UGP2: variants seen among roughly 807,000 people sequenced by gnomAD.
UGP2 encodes the protein UDP-glucose pyrophosphorylase 2.
A neutral mutation model predicts 49.0 loss-of-function variants in UGP2; 40 were observed. The observed-to-expected ratio is 0.82, with a 90% CI of 0.63 to 1.06. The LOEUF is 1.06. Ranked by LOEUF, UGP2 falls within the 50% of genes least tolerant of loss-of-function variation. UGP2 has a pLI of 0.00. For missense variants in UGP2, 460 were observed against 603.5 expected, an observed-to-expected ratio of 0.76 and a Z score of 2.49; for synonymous variants, 225 against 213.0, an observed-to-expected ratio of 1.06 and a Z score of -0.49.
chr2:63,885,893 A>G lies in UGP2; in HGVS notation c.873+7A>G. Reference sequence around the variant, plus strand: ...AACACGTGCAGATGTAAAGGTAAATACCGAGAGGAAGCAGTTTAGGGCTTC... The same window carrying G: ...AACACGTGCAGATGTAAAGGTAAATGCCGAGAGGAAGCAGTTTAGGGCTTC... On this transcript the variant is annotated splice_region_variant and intron_variant, in intron 6 of 9. Transcript: ENST00000337130. The G allele has an allele frequency of 1.3e-6, 2 of 1,552,996 alleles. No homozygotes were observed. The highest frequency in any genetic ancestry group is 3.5e-4 in the Middle Eastern group (2 of 5,748).
chr2:63,851,317 CAA>C (rs1481585615), intron 1 of UGP2, among the ~76,000 whole-genome samples: 5 of 152,110 alleles, frequency 3.3e-5, no homozygotes, highest in African/African-American at 4.8e-5. Context: ...TTTTCCCCCT[CAA>C]GAGAATATGT....
intron 2 of UGP2, chr2:63,857,463 A>G (rs1669521036): frequency 2.7e-6 from 1 of 371,368 alleles, no homozygotes; most frequent in Non-Finnish European, 5.4e-6. Flanking sequence ...TCCTGGGCTC[A>G]AGTGATCCTC....
At chr2:63,872,902 T>C (rs1293040967) in intron 3 of UGP2, among the ~76,000 whole-genome samples, 1 of 152,252 alleles carries the variant, frequency 6.6e-6, no homozygotes, top group East Asian at 1.9e-4. Context: ...TGTATGCCAG[T>C]AGAGTGTCTG....
At chr2:63,886,259 T>C (rs772918640) in intron 6 of UGP2, 82 bp from the exon 7 acceptor site, 2 of 1,299,638 alleles carry the variant, frequency 1.5e-6, no homozygotes, top group Non-Finnish European at 2.2e-6. Context: ...TATATATTTT[T>C]TGTATAATCA....
intron 3 of UGP2, among the ~76,000 whole-genome samples, chr2:63,865,413 A>T (rs1409908791): frequency 6.6e-6 from 1 of 152,168 alleles, no homozygotes; most frequent in Non-Finnish European, 1.5e-5. Context: ...GCACAAAAAT[A>T]TGTTTATTGT....
At chr2:63,881,655 T>C (rs1042680747) in intron 3 of UGP2, among the ~76,000 whole-genome samples, 6 of 152,252 alleles carry the variant, frequency 3.9e-5, no homozygotes, top group Non-Finnish European at 7.3e-5. Flanking sequence ...GGGCCTCTGC[T>C]GTAAGTTGTG....
chr2:63,871,758 CAT>C (rs1670569648), intron 3 of UGP2, among the ~76,000 whole-genome samples: 2 of 152,220 alleles, frequency 1.3e-5, no homozygotes, highest in Admixed American at 1.3e-4. Context: ...ACGAAGCCAA[CAT>C]ATAGCCTTAG....
At chr2:63,848,407 A>G (rs936215166) in intron 1 of UGP2, among the ~76,000 whole-genome samples, 1 of 152,214 alleles carries the variant, frequency 6.6e-6, no homozygotes, top group Non-Finnish European at 1.5e-5. Context: ...TCTGTTGCCC[A>G]GGCTGGAATG....
chr2:63,882,751 ACCAAAGAGCCTGCTAT>A, intron 4 of UGP2, 100 bp downstream of exon 4: 1 of 1,267,830 alleles, frequency 7.9e-7, no homozygotes, highest in Non-Finnish European at 1.0e-6. Context: ...ATTTGAGCTA[ACCAAAGAGCCTGCTAT>A]CTTTAATCTC....
chr2:63,842,094 G>C lies in UGP2; in HGVS notation c.-92G>C. ...TAGGAGGAGAAAGAATACATCGGTT[G>C]TTAAAGCAGGAGAGGAAGAGAGACC... On this transcript the variant is annotated 5_prime_UTR_variant, in exon 1 of 10. Transcript: ENST00000337130. 3 of 1,460,192 alleles carry C rather than the reference G, an allele frequency of 2.1e-6. No homozygotes were observed. The highest frequency in any genetic ancestry group is 2.7e-6 in the Non-Finnish European group (3 of 1,091,966). The allele number at this position is 1,460,192 out of a possible 1,614,324, so 90.5% of individuals were successfully genotyped here.
At chr2:63,848,637 C>A (rs560493586) in intron 1 of UGP2, among the ~76,000 whole-genome samples, 3 of 152,334 alleles carry the variant, frequency 2.0e-5, no homozygotes, top group African/African-American at 7.2e-5. Flanking sequence ...GCTGGGATTA[C>A]AGGTGTGAGC....
intron 3 of UGP2, among the ~76,000 whole-genome samples, chr2:63,881,150 G>T (rs1364382742): frequency 6.6e-6 from 1 of 152,172 alleles, no homozygotes; most frequent in Non-Finnish European, 1.5e-5. Context: ...ATAGTATATT[G>T]CAGGGTAGAA....
intron 3 of UGP2, among the ~76,000 whole-genome samples, chr2:63,872,513 C>T (rs1670625526): frequency 6.6e-6 from 1 of 152,174 alleles, no homozygotes; most frequent in Non-Finnish European, 1.5e-5. Flanking sequence ...ATGAAAAAGA[C>T]TTAGAGCAGT....
At chr2:63,889,913 C>T (rs565639519) in intron 8 of UGP2, 168 bp from the exon 9 acceptor site, 39 of 560,212 alleles carry the variant, frequency 7.0e-5, no homozygotes, top group African/African-American at 5.1e-4. Context: ...CTTTCCTGCA[C>T]GGCATTTAGC....
rs372160888 is a variant in UGP2, at chr2:63,855,520, G to GTTTT, written c.20-768_20-765dup. The GTTTT allele has an allele frequency of 6.1e-3, 1,181 of 194,140 alleles. 10 individuals carry two copies. Among genetic ancestry groups the GTTTT allele is most frequent in the South Asian group, 0.011 (269 of 24,442 alleles). 12.0% of individuals were successfully genotyped at this position (194,140 alleles called of 1,614,324 possible). A position where few individuals can be genotyped will look rare whatever the true frequency, so the allele number is the denominator to read the frequency against. On this transcript the variant is annotated intron_variant, in intron 1 of 9. Transcript: ENST00000337130. ...TTGGGTCTGGGGTGTTTCTTTTTCT[G>GTTTT]TTTTTTTTTTTTTTTTTTTTTCTCT...
intron 1 of UGP2, among the ~76,000 whole-genome samples, chr2:63,846,684 A>G (rs576901822): frequency 3.9e-5 from 6 of 152,322 alleles, no homozygotes; most frequent in African/African-American, 1.4e-4. Flanking sequence ...GCTAATTATA[A>G]CTGGAGGGGT....
chr2:63,876,517 T>C (rs180814885), intron 3 of UGP2, among the ~76,000 whole-genome samples: 31 of 152,332 alleles, frequency 2.0e-4, no homozygotes, highest in African/African-American at 7.0e-4. Context: ...TCCACAGTTA[T>C]TCTGAGAGTC....
In UGP2 at chr2:63,856,336, C is replaced by T; in HGVS notation, c.50C>T (p.Ala17Val). The T allele has an allele frequency of 1.2e-6, 2 of 1,613,754 alleles. No individual in the cohort carries two copies. Among genetic ancestry groups the T allele is most frequent in the Non-Finnish European group, 1.7e-6 (2 of 1,179,938 alleles). The change falls in exon 2 of 10, where the codon GCT becomes GTT. Residue 17 changes from alanine (A) to valine (V), a missense_variant. Physicochemically the swap from Ala to Val is moderately conservative, Grantham distance 64. This residue lies in a region of UGP2 where 143 missense variants were observed against 130.4 expected (regional missense o/e 1.10). Coordinates refer to ENST00000337130, the MANE Select transcript of UGP2 (RefSeq NM_006759.4). ...DLSKAMSQDG[A>V]SQFQEVIRQE... ...AGCAAAGCAATGTCTCAAGATGGTGCTTCTCAGTTCCAAGAAGTCATTCGG... is the reference window on the plus strand; with the variant it reads ...AGCAAAGCAATGTCTCAAGATGGTGTTTCTCAGTTCCAAGAAGTCATTCGG...
intron 1 of UGP2, among the ~76,000 whole-genome samples, chr2:63,847,883 A>G (rs1270204307): frequency 2.0e-5 from 3 of 152,324 alleles, no homozygotes; most frequent in Non-Finnish European, 2.9e-5. Flanking sequence ...AGGGGATGCA[A>G]TGGCTTGGCT....
Sources: gnomAD v4.1 joint callset for allele counts (sites outside exome capture counted in the v4.1 genomes callset) on GRCh38, gnomAD v4.1.1 for gene constraint, gnomAD v4.1.1 regional missense constraint, MANE v1.5 for transcripts, NCBI Gene and HGNC (gene_info 2026-07-23, HGNC 2026-07-21) for gene names.